NCKAP5: variants seen among roughly 807,000 people sequenced by gnomAD.
The protein encoded by NCKAP5 is NCK associated protein 5.
In NCKAP5, 92 loss-of-function variants were observed where a neutral mutation model predicts 167.0. The observed-to-expected ratio is 0.55, with a 90% CI of 0.47 to 0.66. NCKAP5 has a LOEUF of 0.66. Among genes scored for constraint, NCKAP5 ranks in the 30% least tolerant of loss-of-function variants. The pLI is 0.00. For synonymous variants in NCKAP5, 891 were observed against 877.4 expected, an observed-to-expected ratio of 1.02 and a Z score of -0.27; for missense variants, 2,378 against 2,315.0, an observed-to-expected ratio of 1.03 and a Z score of -0.56.
At chr2:133,517,861 T>C (rs1684141470) in intron 2 of NCKAP5, among the ~76,000 whole-genome samples, 1 of 152,066 alleles carries the variant, frequency 6.6e-6, no homozygotes, top group South Asian at 2.1e-4. Context: ...AAGCAAACAG[T>C]CCGTTTCATG....
At chr2:133,150,862 A>G (rs999684513) in intron 5 of NCKAP5, among the ~76,000 whole-genome samples, 1 of 152,230 alleles carries the variant, frequency 6.6e-6, no homozygotes, top group African/African-American at 2.4e-5. Context: ...CAGATAAATT[A>G]TGGGATACTC....
intron 3 of NCKAP5, among the ~76,000 whole-genome samples, chr2:133,344,988 T>C (rs538126559): frequency 3.9e-4 from 59 of 152,246 alleles, no homozygotes; most frequent in African/African-American, 1.4e-3. Flanking sequence ...TTTCAGTGAC[T>C]ATGCCCTCAG....
rs889719054 is a variant in NCKAP5 at position 133,341,181 on chromosome 2, G to A, written c.70-38071C>T. Among the ~76,000 whole-genome samples, 54 of 151,760 alleles carry A rather than the reference G, an allele frequency of 3.6e-4. 1 individual carries two copies. The highest frequency in any genetic ancestry group is 1.0e-3 in the African/African-American group (42 of 41,304). On this transcript the variant is annotated intron_variant, in intron 3 of 19. Transcript: ENST00000409261. ...CATGGAAAAAAAAACACTTATTAAA[G>A]TATATATACAGCTATAAATATGTCA...
chr2:133,060,122 A>C (rs2079948054), intron 6 of NCKAP5, among the ~76,000 whole-genome samples: 1 of 152,208 alleles, frequency 6.6e-6, no homozygotes, highest in African/African-American at 2.4e-5. Context: ...TCTTTCTAAG[A>C]CATCAGTGGG....
At chr2:132,719,028 T>C (rs1210292510) in intron 19 of NCKAP5, among the ~76,000 whole-genome samples, 2 of 152,090 alleles carry the variant, frequency 1.3e-5, no homozygotes, top group Admixed American at 6.5e-5. Context: ...ACCTTAAAGA[T>C]GAAGCAGGGG....
intron 8 of NCKAP5, among the ~76,000 whole-genome samples, chr2:132,909,613 C>A (rs1694283117): frequency 6.6e-6 from 1 of 152,166 alleles, no homozygotes; most frequent in Non-Finnish European, 1.5e-5. Flanking sequence ...GATGACTCAT[C>A]CAGAGGAGCT....
In NCKAP5 at chr2:133,557,992, G is replaced by A. The variant is rs572801547; in HGVS notation, c.-62+1058C>T. The A allele has an allele frequency of 3.3e-5, 5 of 152,346 alleles. 1 individual carries two copies. In the East Asian group the frequency reaches 5.8e-4, roughly 18 times the overall value. 9.4% of individuals were successfully genotyped at this position (152,346 alleles called of 1,614,324 possible). ...GGATCACAGCACTGGAAACGGCCTT[G>A]AGACCATCTCATCTTCTCCCCCTTC... On this transcript the variant is annotated intron_variant, in intron 2 of 19. Coordinates refer to ENST00000409261, the MANE Select transcript of NCKAP5 (RefSeq NM_207363.3).
chr2:132,867,952 C>T (rs1690490616), intron 10 of NCKAP5, among the ~76,000 whole-genome samples: 1 of 152,096 alleles, frequency 6.6e-6, no homozygotes, highest in Admixed American at 6.6e-5. Context: ...GGAACTGTGA[C>T]ATTTTGACAG....
At chr2:132,923,416 C>A (rs1342325583) in intron 8 of NCKAP5, among the ~76,000 whole-genome samples, 1 of 152,190 alleles carries the variant, frequency 6.6e-6, no homozygotes, top group Non-Finnish European at 1.5e-5. Context: ...GATTGCCAAA[C>A]AGCCTGCTTG....
At chr2:133,202,778 C>T (rs13427074) in intron 5 of NCKAP5, among the ~76,000 whole-genome samples, 61,642 of 151,944 alleles carry the variant, frequency 0.41, 14,210 homozygotes, top group Non-Finnish European at 0.51. Flanking sequence ...AGCCAACAGA[C>T]ACATGAAAAA....
intron 4 of NCKAP5, among the ~76,000 whole-genome samples, chr2:133,266,693 C>CG (rs2089246766): frequency 6.6e-6 from 1 of 152,168 alleles, no homozygotes; most frequent in African/African-American, 2.4e-5. Context: ...TCACCGCAGC[C>CG]CGGGCACCTC....
At chr2:133,638,113 A>G in the NCKAP5 span, among the ~76,000 whole-genome samples, 1 of 152,200 alleles carries the variant, frequency 6.6e-6, no homozygotes, top group Non-Finnish European at 1.5e-5. Context: ...TCACTCAAGA[A>G]TGAAGTCAAG....
chr2:133,599,451 T>C, the NCKAP5 span, among the ~76,000 whole-genome samples: 2 of 152,260 alleles, frequency 1.3e-5, 1 homozygote, highest in South Asian at 4.1e-4. Flanking sequence ...AATGCCCACA[T>C]GCAATGTTGA....
intron 3 of NCKAP5, among the ~76,000 whole-genome samples, chr2:133,348,034 G>A (rs1354858386): frequency 6.6e-6 from 1 of 152,202 alleles, no homozygotes; most frequent in Non-Finnish European, 1.5e-5. Flanking sequence ...GGGACAGGAT[G>A]AAATTTAGCA....
chr2:133,253,539 T>C (rs2088458859), intron 4 of NCKAP5, among the ~76,000 whole-genome samples: 3 of 152,168 alleles, frequency 2.0e-5, no homozygotes, highest in Admixed American at 1.3e-4. Flanking sequence ...CCCCCATGCC[T>C]TGGACTCCCT....
intron 3 of NCKAP5, among the ~76,000 whole-genome samples, chr2:133,303,464 G>A (rs540416989): frequency 1.3e-5 from 2 of 152,078 alleles, no homozygotes; most frequent in Non-Finnish European, 2.9e-5. Context: ...AGACAAAACA[G>A]TTCTTGATTT....
At chr2:133,570,240 G>T (rs1688815376), upstream of NCKAP5, among the ~76,000 whole-genome samples, 1 of 152,096 alleles carries the variant, frequency 6.6e-6, no homozygotes, top group South Asian at 2.1e-4. Flanking sequence ...AAGGTGGAAA[G>T]AACTTTCACA....
rs70973407 is a variant in NCKAP5 at position 132,794,263 on chromosome 2, T to TAGAG, written c.909+2361_909+2364dup. Reference sequence around the variant, plus strand: ...ATATATATATATATATATATATATATAGAGAGAGAGAGAGAGAGAGAGAGA... The same window carrying TAGAG: ...ATATATATATATATATATATATATATAGAGAGAGAGAGAGAGAGAGAGAGAGAGA... On this transcript the variant is annotated intron_variant, in intron 12 of 19. Transcript: ENST00000409261. 7.7e-3 allele frequency among the ~76,000 whole-genome samples: 91 copies of TAGAG among 11,892 alleles called. 2 individuals are homozygous for TAGAG. The highest frequency in any genetic ancestry group is 0.012 in the Admixed American group (7 of 570). The allele number at this position is 11,892 out of a possible 152,430, so 7.8% of individuals were successfully genotyped here.
At chr2:133,531,583 T>C (rs924444898) in intron 2 of NCKAP5, among the ~76,000 whole-genome samples, 1 of 152,172 alleles carries the variant, frequency 6.6e-6, no homozygotes, top group Non-Finnish European at 1.5e-5. Flanking sequence ...ACAAGTCTTG[T>C]TTCATTTTCT....
Sources: gnomAD v4.1 joint callset for allele counts (sites outside exome capture counted in the v4.1 genomes callset) on GRCh38, gnomAD v4.1.1 for gene constraint, MANE v1.5 for transcripts, NCBI Gene and HGNC (gene_info 2026-07-23, HGNC 2026-07-21) for gene names.